The following HS3ST2 variants were observed in gnomAD, a reference collection of about 807,000 sequenced individuals.
HS3ST2 encodes the protein heparan sulfate-glucosamine 3-sulfotransferase 2.
Under a neutral mutation model 26.3 loss-of-function variants are expected in HS3ST2, and 17 were observed. That is an observed-to-expected ratio of 0.65 (90% CI 0.44 to 0.97). The LOEUF is 0.97. Ranked by LOEUF, HS3ST2 falls within the 50% of genes least tolerant of loss-of-function variation. HS3ST2 has a pLI of 0.00. For synonymous variants in HS3ST2, 237 were observed against 219.2 expected, an observed-to-expected ratio of 1.08 and a Z score of -0.72; for missense variants, 402 against 501.2, an observed-to-expected ratio of 0.80 and a Z score of 1.89.
At chr16:22,844,625 T>G (rs1901404811) in intron 1 of HS3ST2, among the ~76,000 whole-genome samples, 1 of 152,172 alleles carries the variant, frequency 6.6e-6, no homozygotes, top group Non-Finnish European at 1.5e-5. Context: ...TCCTCCTGGC[T>G]GTTCTCGTGA....
At chr16:22,899,070 A>AC (rs1189713784) in intron 1 of HS3ST2, among the ~76,000 whole-genome samples, 2 of 152,068 alleles carry the variant, frequency 1.3e-5, no homozygotes, top group Non-Finnish European at 1.5e-5. Context: ...AACCATTAAT[A>AC]CCCCCGGGAG....
At chr16:22,855,256 T>C (rs996866491) in intron 1 of HS3ST2, among the ~76,000 whole-genome samples, 1 of 152,082 alleles carries the variant, frequency 6.6e-6, no homozygotes, top group Admixed American at 6.6e-5. Flanking sequence ...CAGAGGGCAA[T>C]GGATTCTTCT....
At chr16:22,906,649 G>A (rs2141746578) in intron 1 of HS3ST2, among the ~76,000 whole-genome samples, 1 of 152,328 alleles carries the variant, frequency 6.6e-6, no homozygotes, top group African/African-American at 2.4e-5. Context: ...GGTGGAAGTA[G>A]AGCTTGGACT....
intron 1 of HS3ST2, among the ~76,000 whole-genome samples, chr16:22,878,163 T>C (rs917604939): frequency 6.6e-6 from 1 of 152,260 alleles, no homozygotes; most frequent in African/African-American, 2.4e-5. Context: ...TAGAATTTAT[T>C]GTGTACATTA....
intron 1 of HS3ST2, among the ~76,000 whole-genome samples, chr16:22,836,259 C>G (rs1021216633): frequency 3.9e-5 from 6 of 152,160 alleles, no homozygotes; most frequent in Non-Finnish European, 8.8e-5. Context: ...TAGAGACATG[C>G]CATCTGTATT....
rs199768327 is a variant in HS3ST2 at position 22,902,822 on chromosome 16, A to G, written c.486-12122A>G. Reference sequence around the variant, plus strand: ...TTATCTTTTCATATGTTTATTTTCTATTCATAGCTCTTTATTAACTCTTTT... The same window carrying G: ...TTATCTTTTCATATGTTTATTTTCTGTTCATAGCTCTTTATTAACTCTTTT... On this transcript the variant is annotated intron_variant, in intron 1 of 1. Transcript: ENST00000261374. Among the ~76,000 whole-genome samples, 15 of 151,996 alleles carry G rather than the reference A, an allele frequency of 9.9e-5. No individual in the cohort carries two copies. In the East Asian group the frequency reaches 1.2e-3, roughly 12 times the overall value.
At chr16:22,880,244 C>A (rs1395114709) in intron 1 of HS3ST2, among the ~76,000 whole-genome samples, 1 of 152,046 alleles carries the variant, frequency 6.6e-6, no homozygotes, top group Non-Finnish European at 1.5e-5. Context: ...CATAGCAAGA[C>A]CCTATCTCTA....
At chr16:22,849,005 C>A (rs1473594315) in intron 1 of HS3ST2, among the ~76,000 whole-genome samples, 1 of 152,164 alleles carries the variant, frequency 6.6e-6, no homozygotes, top group Admixed American at 6.5e-5. Context: ...AAAAATCCAG[C>A]AGGTTTGGAC....
chr16:22,871,665 G>C lies in HS3ST2; in HGVS notation c.486-43279G>C, dbSNP rs192821364. Among the ~76,000 whole-genome samples the C allele has an allele frequency of 1.8e-4, 27 of 152,198 alleles. 1 individual carries two copies. The highest frequency in any genetic ancestry group is 6.3e-4 in the African/African-American group (26 of 41,516). ...TTCTGTTCAGTCTATCTCTAGGCTC[G>C]GGAACAGTACCTAGCACATAGTAGA... On this transcript the variant is annotated intron_variant, in intron 1 of 1. Transcript: ENST00000261374.
chr16:22,830,665 T>G (rs1054070739), intron 1 of HS3ST2, among the ~76,000 whole-genome samples: 1 of 152,196 alleles, frequency 6.6e-6, no homozygotes. Flanking sequence ...GTGGAAGAGC[T>G]GGGAGACCAT....
At chr16:22,910,989 G>T (rs1409874165) in intron 1 of HS3ST2, among the ~76,000 whole-genome samples, 1 of 152,194 alleles carries the variant, frequency 6.6e-6, no homozygotes, top group Non-Finnish European at 1.5e-5. Context: ...CTAGCTGCAT[G>T]TTAAGGGTGG....
intron 1 of HS3ST2, among the ~76,000 whole-genome samples, chr16:22,853,359 C>T (rs1487752962): frequency 6.6e-6 from 1 of 152,154 alleles, no homozygotes; most frequent in Non-Finnish European, 1.5e-5. Flanking sequence ...TGAAATCCAT[C>T]TATGTTGTTG....
At chr16:22,903,911 A>G (rs546199119) in intron 1 of HS3ST2, among the ~76,000 whole-genome samples, 118 of 152,290 alleles carry the variant, frequency 7.7e-4, no homozygotes, top group African/African-American at 2.8e-3. Context: ...CCTGGACCCC[A>G]TGTGGTTTAT....
Position 22,906,367 on chromosome 16 carries a change from C to CTAAATAAA in HS3ST2, c.486-8556_486-8549dup, listed in dbSNP as rs55897973. Among the ~76,000 whole-genome samples, 1,173 of 144,122 alleles carry CTAAATAAA rather than the reference C, an allele frequency of 8.1e-3. 10 individuals are homozygous for CTAAATAAA. The highest frequency in any genetic ancestry group is 0.019 in the African/African-American group (753 of 38,694). The allele number at this position is 144,122 out of a possible 152,430, so 94.5% of individuals were successfully genotyped here. Reference sequence around the variant, plus strand: ...GCCTGGCGACAGAGCGAGACTCCATCTAAATAAATAAATAAATAAATAAAT... The same window carrying CTAAATAAA: ...GCCTGGCGACAGAGCGAGACTCCATCTAAATAAATAAATAAATAAATAAATAAATAAAT... On this transcript the variant is annotated intron_variant, in intron 1 of 1. Transcript: ENST00000261374.
chr16:22,895,070 C>CTTTTTTTTTTTTTTTTTTTTTTTT (rs55861016), intron 1 of HS3ST2, among the ~76,000 whole-genome samples: 1 of 134,722 alleles, frequency 7.4e-6, no homozygotes, highest in African/African-American at 2.7e-5. Flanking sequence ...TTCTTTCTTT[C>CTTTTTTTTTTTTTTTTTTTTTTTT]TTTTTTTTTT....
At chr16:22,849,135 A>G (rs1901485861) in intron 1 of HS3ST2, among the ~76,000 whole-genome samples, 1 of 152,178 alleles carries the variant, frequency 6.6e-6, no homozygotes, top group Non-Finnish European at 1.5e-5. Context: ...GACTTGAAGC[A>G]TGTAATGTGC....
chr16:22,850,880 A>G (rs1291413487), intron 1 of HS3ST2, among the ~76,000 whole-genome samples: 1 of 152,224 alleles, frequency 6.6e-6, no homozygotes, highest in Admixed American at 6.5e-5. Context: ...GCAGTTGAAT[A>G]TCAGCTGGGC....
intron 1 of HS3ST2, among the ~76,000 whole-genome samples, chr16:22,887,751 AGC>A (rs1400411230): frequency 6.7e-6 from 1 of 150,320 alleles, no homozygotes; most frequent in East Asian, 2.0e-4. Flanking sequence ...GTTTGAGACC[AGC>A]CTGGGCAATA....
intron 1 of HS3ST2, among the ~76,000 whole-genome samples, chr16:22,903,428 G>A (rs550163889): frequency 1.3e-5 from 2 of 152,188 alleles, no homozygotes; most frequent in Non-Finnish European, 2.9e-5. Context: ...GATGACTGCT[G>A]CGTACCCATT....
Sources: allele counts gnomAD v4.1 joint callset (sites outside exome capture counted in the v4.1 genomes callset), GRCh38; gene constraint gnomAD v4.1.1; transcripts MANE v1.5; gene names NCBI Gene and HGNC (gene_info 2026-07-23, HGNC 2026-07-21).